ZZEF1: variants seen among roughly 807,000 people sequenced by gnomAD.
ZZEF1 encodes zinc finger ZZ-type and EF-hand domain-containing protein 1.
Under a neutral mutation model 342.8 loss-of-function variants are expected in ZZEF1, and 157 were observed. The observed-to-expected ratio is 0.46, with a 90% CI of 0.40 to 0.52. The LOEUF (loss-of-function observed/expected upper bound fraction) is 0.52, where lower values mean the gene tolerates loss of function less well. Among genes scored for constraint, ZZEF1 ranks in the 20% least tolerant of loss-of-function variants. ZZEF1 has a pLI of 0.00. For missense variants in ZZEF1, 3,480 were observed against 3,725.6 expected, an observed-to-expected ratio of 0.93 and a Z score of 1.72; for synonymous variants, 1,505 against 1,429.1, an observed-to-expected ratio of 1.05 and a Z score of -1.20.
Position 4,017,122 on chromosome 17 carries a change from A to T in ZZEF1, c.8001+249T>A. 1 of 500,194 alleles carries T rather than the reference A, an allele frequency of 2.0e-6. No individual in the cohort carries two copies. Among genetic ancestry groups the T allele is most frequent in the Non-Finnish European group, 3.5e-6 (1 of 281,786 alleles). The allele number at this position is 500,194 out of a possible 1,614,324, so 31.0% of individuals were successfully genotyped here. A position where few individuals can be genotyped will look rare whatever the true frequency, so the allele number is the denominator to read the frequency against. ...ACCGAATGTGCCTCAAGATTTCTGC[A>T]CTTGGAAACTGGGAAGATGGCGACA... is the stretch of plus-strand genomic sequence containing the variant. On this transcript the variant is annotated intron_variant, in intron 48 of 54. Transcript: ENST00000381638. The surrounding 1 kb of genome is among the most constrained non-coding windows in gnomAD (Gnocchi z 5.1).
chr17:4,111,401 T>C (rs1186801923), intron 5 of ZZEF1, among the ~76,000 whole-genome samples: 1 of 152,150 alleles, frequency 6.6e-6, no homozygotes, highest in African/African-American at 2.4e-5. Flanking sequence ...GACTCATGCC[T>C]GTAATCCCAG....
intron 42 of ZZEF1, among the ~76,000 whole-genome samples, chr17:4,030,217 G>A (rs2056511468): frequency 6.6e-6 from 1 of 152,090 alleles, no homozygotes; most frequent in Non-Finnish European, 1.5e-5. Flanking sequence ...TCTCTGGCTA[G>A]ACTATCTAGG....
At chr17:4,013,282 A>G (rs1246600834) in intron 52 of ZZEF1, among the ~76,000 whole-genome samples, 167 bp downstream of exon 52, 2 of 152,240 alleles carry the variant, frequency 1.3e-5, no homozygotes, top group East Asian at 3.8e-4. Flanking sequence ...ACATTTCTCA[A>G]ATAAGACACC....
chr17:4,095,767 T>C, intron 11 of ZZEF1, 64 bp downstream of exon 11: 1 of 1,520,400 alleles, frequency 6.6e-7, no homozygotes, highest in Non-Finnish European at 8.9e-7. Context: ...GAATACATTC[T>C]TATTAACTAC....
chr17:4,097,206 T>C (rs1164763697), intron 9 of ZZEF1, among the ~76,000 whole-genome samples: 8 of 150,714 alleles, frequency 5.3e-5, no homozygotes, highest in Admixed American at 4.0e-4. Flanking sequence ...GCTTGGAGAT[T>C]GTGCCACTGC....
At chr17:4,073,015 A>G (rs920608687) in intron 24 of ZZEF1, among the ~76,000 whole-genome samples, 1 of 152,238 alleles carries the variant, frequency 6.6e-6, no homozygotes, top group African/African-American at 2.4e-5. Context: ...ATCTGTTTAT[A>G]GTAAGCTGAA....
chr17:4,127,473 A>C (rs1254798357), intron 1 of ZZEF1, among the ~76,000 whole-genome samples: 1 of 152,152 alleles, frequency 6.6e-6, no homozygotes, highest in Non-Finnish European at 1.5e-5. Flanking sequence ...TGGATAGGGG[A>C]AGGAAAAAGC....
At chr17:4,072,941 C>G in intron 24 of ZZEF1, 185 bp from the exon 25 acceptor site, 1 of 527,942 alleles carries the variant, frequency 1.9e-6, no homozygotes, top group South Asian at 3.3e-5. Context: ...GCTAAACCAC[C>G]AAGTCCTGAA....
At position 4,014,942 on chromosome 17, in the gene ZZEF1, T is replaced by A. The variant is rs186292089; in HGVS notation, c.8146-427A>T. Among the ~76,000 whole-genome samples the A allele has an allele frequency of 1.6e-4, 24 of 152,122 alleles. No homozygotes were observed. The highest frequency in any genetic ancestry group is 1.2e-3 in the Admixed American group (18 of 15,272). On this transcript the variant is annotated intron_variant, in intron 49 of 54. Transcript: ENST00000381638. This position sits in a 1 kb window ranked among gnomAD's most constrained non-coding sequence, Gnocchi z 4.4. ...GGTGTGCTACATGGGCACGTATGCT[T>A]GGGAAGCAGGAACAGGGACAAGACC... is the stretch of plus-strand genomic sequence containing the variant.
Position 4,005,857 on chromosome 17 carries a change from A to C in ZZEF1, c.*1033T>G, listed in dbSNP as rs913324914. The C allele has an allele frequency of 6.6e-6, 1 of 152,280 alleles. No individual in the cohort carries two copies. The highest frequency in any genetic ancestry group is 2.4e-5 in the African/African-American group (1 of 41,444). The allele number at this position is 152,280 out of a possible 1,614,324, so 9.4% of individuals were successfully genotyped here. On this transcript the variant is annotated 3_prime_UTR_variant, in exon 55 of 55. Transcript: ENST00000381638. Reference sequence around the variant, plus strand: ...TGTTCCCAAGCGTGGCTCTGGAGGGAGAATCATCATCGGCACTCCAGGGCA... The same window carrying C: ...TGTTCCCAAGCGTGGCTCTGGAGGGCGAATCATCATCGGCACTCCAGGGCA...
intron 52 of ZZEF1, among the ~76,000 whole-genome samples, 171 bp downstream of exon 52, chr17:4,013,278 C>T (rs1192676718): frequency 6.6e-6 from 1 of 152,184 alleles, no homozygotes; most frequent in Non-Finnish European, 1.5e-5. Flanking sequence ...GCAAACATTT[C>T]TCAAATAAGA....
Position 4,072,641 on chromosome 17 carries a change from G to T in ZZEF1, c.3801C>A (p.Ser1267Arg). 7 of 1,613,972 alleles carry T rather than the reference G, an allele frequency of 4.3e-6. No individual in the cohort carries two copies. The highest frequency in any genetic ancestry group is 5.9e-6 in the Non-Finnish European group (7 of 1,179,882). Residue 1267 changes from serine to arginine, a missense_variant, in exon 25 of 55, where the codon AGC (serine) becomes AGA (arginine). By Grantham distance (110) the Ser-to-Arg change is moderately radical. Transcript: ENST00000381638. ...TATTCCGGTGTGGGTGAGTGGGCCAGCTTGCTTCTAATTCCAACTCTGGAC... is the reference window on the plus strand; with the variant it reads ...TATTCCGGTGTGGGTGAGTGGGCCATCTTGCTTCTAATTCCAACTCTGGAC... ...QVCPELELEA[S>R]WPTHPHRNSK...
In ZZEF1 at chr17:4,049,710, T is replaced by C. The variant is rs979650104; in HGVS notation, c.6013A>G (p.Asn2005Asp). ...TGTAGTAAAGAATCGTCATTTACAT[T>C]GCCTGCTTCTGACAGCTCAGCACCC... ...VQGAELSEAG[N>D]GKRAVHEEIR... Residue 2005 changes from asparagine to aspartate, a missense_variant and splice_region_variant, in exon 37 of 55, where the codon AAT becomes GAT. Asn to Asp is a conservative substitution (Grantham distance 23). Around this residue, in one of 5 missense-constraint regions of ZZEF1, gnomAD observed 1,269 missense variants for 1,342.4 expected, o/e 0.95. Transcript: ENST00000381638. 8.1e-6 allele frequency: 13 copies of C among 1,613,884 alleles called. No individual in the cohort carries two copies. The Admixed American group carries it at 1.0e-4, about 12-fold the overall frequency.
At position 4,110,116 on chromosome 17, in the gene ZZEF1, C is replaced by T. The variant is rs190142202; in HGVS notation, c.1067-253G>A. ...GATTTAAGTCTTTACAACAAAACTT[C>T]TTAGGAACTTAGGAGTCTTGAAAAA... On this transcript the variant is annotated intron_variant, in intron 5 of 54. Transcript: ENST00000381638. Among the ~76,000 whole-genome samples the T allele has an allele frequency of 3.7e-3, 565 of 152,212 alleles. 1 individual carries two copies. The highest frequency in any genetic ancestry group is 6.8e-3 in the Middle Eastern group (2 of 294).
Position 4,013,457 on chromosome 17 carries a change from G to A in ZZEF1, c.8571C>T (p.Cys2857=), listed in dbSNP as rs150820867. ...TCCGGGACACCGCTTACCTGTGGCCGCAGCATCGCACAATCCTCAGAAGTA... is the reference window on the plus strand; with the variant it reads ...TCCGGGACACCGCTTACCTGTGGCCACAGCATCGCACAATCCTCAGAAGTA... ...IHLLLRIVRC[C]GHSDLCDLAL... is the part of the protein sequence containing the mutation. Residue 2857 remains cysteine (C), a synonymous_variant, in exon 52 of 55, where the codon TGC becomes TGT. Coordinates refer to ENST00000381638, the MANE Select transcript of ZZEF1 (RefSeq NM_015113.4). The A allele has an allele frequency of 1.2e-4, 185 of 1,605,646 alleles. No homozygotes were observed. The highest frequency in any genetic ancestry group is 1.0e-3 in the African/African-American group (78 of 74,668).
rs369106256 is a variant in ZZEF1 at position 4,082,463 on chromosome 17, A to G, written c.2688T>C (p.Thr896=). ...EQEHKQSLQL[T]FRSLCTYFSD... ...TAAAATACGTGCACAGTGAACGGAAAGTGAGCTGCAGGGACTGCTTGTGCT... is the reference window on the plus strand; with the variant it reads ...TAAAATACGTGCACAGTGAACGGAAGGTGAGCTGCAGGGACTGCTTGTGCT... The change falls in exon 17 of 55, where the codon ACT becomes ACC. Residue 896 remains threonine, a synonymous_variant. Transcript: ENST00000381638. 3.7e-6 allele frequency: 6 copies of G among 1,614,060 alleles called. No homozygotes were observed. The highest frequency in any genetic ancestry group is 1.3e-5 in the African/African-American group (1 of 74,950).
At chr17:4,067,015 T>TCTATTCA in intron 27 of ZZEF1, 148 bp downstream of exon 27, 1 of 632,492 alleles carries the variant, frequency 1.6e-6, no homozygotes, top group Non-Finnish European at 2.6e-6. Flanking sequence ...GGGTTCTAAA[T>TCTATTCA]TGTTTTATAT....
intron 11 of ZZEF1, among the ~76,000 whole-genome samples, chr17:4,091,989 T>C (rs189831655): frequency 2.6e-5 from 4 of 151,500 alleles, no homozygotes; most frequent in African/African-American, 7.3e-5. Context: ...GGCAGGGGAA[T>C]TGCTTGAACC....
intron 32 of ZZEF1, among the ~76,000 whole-genome samples, chr17:4,057,606 G>A (rs1480684125): frequency 6.6e-6 from 1 of 152,096 alleles, no homozygotes; most frequent in Non-Finnish European, 1.5e-5. Flanking sequence ...CAAAAATTAT[G>A]GAAAGGATTT....
Sources: allele counts gnomAD v4.1 joint callset (sites outside exome capture counted in the v4.1 genomes callset), GRCh38; gene constraint gnomAD v4.1.1; regional missense constraint gnomAD v4.1.1; non-coding constraint Gnocchi (gnomAD v3.1); transcripts MANE v1.5; gene names NCBI Gene and HGNC (gene_info 2026-07-23, HGNC 2026-07-21).